SEZ6L2: variants seen among roughly 807,000 people sequenced by gnomAD.
SEZ6L2 encodes seizure 6-like protein 2.
SEZ6L2 carries 44 observed loss-of-function variants against 97.0 expected under a neutral mutation model. The ratio of observed to expected loss-of-function variants is 0.45; its 90% confidence interval spans 0.36 to 0.58. The LOEUF (loss-of-function observed/expected upper bound fraction) is 0.58, where lower values mean the gene tolerates loss of function less well. Ranked by LOEUF, SEZ6L2 falls within the 20% of genes least tolerant of loss-of-function variation. The pLI is 0.00. For missense variants in SEZ6L2, 1,086 were observed against 1,233.3 expected (o/e 0.88, Z 1.79); for synonymous variants, 543 against 546.1 (o/e 0.99, Z 0.08).
rs1311288373 is a variant in SEZ6L2, at chr16:29,872,189, C to T, written c.2740G>A (p.Gly914Arg). 1 of 1,600,646 alleles carries T rather than the reference C, an allele frequency of 6.2e-7. No individual in the cohort carries two copies. The highest frequency in any genetic ancestry group is 1.7e-5 in the Admixed American group (1 of 57,976). ...TCAGGGGCAGGCAAGGTGCTTACCC[C>T]AGCTTCATACAGCGGGTTGCTGAAG... is the stretch of plus-strand genomic sequence containing the variant. ...SDFSNPLYEAGDTREYEVSI is the reference protein window; with the variant it reads ...SDFSNPLYEARDTREYEVSI Residue 914 changes from glycine (G) to arginine (R), a missense_variant and splice_region_variant, in exon 17 of 18, where the codon GGG becomes AGG. By Grantham distance (125) the Gly-to-Arg change is moderately radical. Coordinates refer to ENST00000617533, the MANE Select transcript of SEZ6L2 (RefSeq NM_001243332.2).
intron 8 of SEZ6L2, among the ~76,000 whole-genome samples, chr16:29,884,143 C>A (rs1390383086): frequency 6.6e-6 from 1 of 152,118 alleles, no homozygotes; most frequent in Non-Finnish European, 1.5e-5. Context: ...CCACGTGAGG[C>A]AGATTAGCCA....
At position 29,882,402 on chromosome 16, in the gene SEZ6L2, C is replaced by T. The variant is rs1205601221; in HGVS notation, c.1373-2338G>A. Among the ~76,000 whole-genome samples, 5 of 152,094 alleles carry T rather than the reference C, an allele frequency of 3.3e-5. No individual in the cohort carries two copies. In the East Asian group the frequency reaches 9.7e-4, roughly 29 times the overall value. On this transcript the variant is annotated intron_variant, in intron 8 of 17. Coordinates refer to ENST00000617533, the MANE Select transcript of SEZ6L2 (RefSeq NM_001243332.2). ...GACCAGCCTGACCACCATGGTGAAA[C>T]TCCGTCTCTACTAAAAACACAAAAA... is the stretch of plus-strand genomic sequence containing the variant.
intron 5 of SEZ6L2, among the ~76,000 whole-genome samples, chr16:29,891,200 A>G (rs1317315163): frequency 6.6e-6 from 1 of 151,996 alleles, no homozygotes; most frequent in East Asian, 1.9e-4. Flanking sequence ...TCGGCCTCCC[A>G]AAGTGCTGTG....
At position 29,898,894 on chromosome 16, in the gene SEZ6L2, C is replaced by G. The variant is rs1037112257; in HGVS notation, c.79+47G>C. The G allele has an allele frequency of 2.0e-6, 3 of 1,487,530 alleles. No homozygotes were observed. In the Admixed American group the frequency reaches 5.3e-5, roughly 26 times the overall value. The allele number at this position is 1,487,530 out of a possible 1,614,324, so 92.1% of individuals were successfully genotyped here. ...TAAGAGAAAGGAGGGTGGAGGACCC[C>G]GCTGGACGCCTTCCTGGGGCCCACC... On this transcript the variant is annotated intron_variant, in intron 1 of 17. Transcript: ENST00000617533.
Position 29,888,640 on chromosome 16 carries a change from G to A in SEZ6L2, c.939C>T (p.Thr313=), listed in dbSNP as rs751064395. The A allele has an allele frequency of 6.2e-7, 1 of 1,614,072 alleles. No homozygotes were observed. The highest frequency in any genetic ancestry group is 8.5e-7 in the Non-Finnish European group (1 of 1,179,976). The change falls in exon 6 of 18, where the codon ACC becomes ACT. Residue 313 remains threonine (T), a synonymous_variant. Transcript: ENST00000617533. ...VTDLHPGGTA[T]FHCDSGYQLQ... ...GCTGGTAGCCCGAATCACAGTGAAA[G>A]GTGGCAGTGCCCCCAGGGTGCAGGT...
Position 29,877,448 on chromosome 16 carries a change from C to G in SEZ6L2, c.1732G>C (p.Asp578His). Residue 578 changes from aspartate (D) to histidine (H), a missense_variant, in exon 11 of 18, where the codon GAC becomes CAC. Transcript: ENST00000617533. Reference protein sequence around the residue: ...QVEILNVREGDMLTLFDGDGP... With the variant: ...QVEILNVREGHMLTLFDGDGP... Reference sequence around the variant, plus strand: ...TCCCCGTCGAACAGCGTCAGCATGTCCCCTTCCCGCACATTCAATCTGCAG... The same window carrying G: ...TCCCCGTCGAACAGCGTCAGCATGTGCCCTTCCCGCACATTCAATCTGCAG... The G allele has an allele frequency of 6.2e-7, 1 of 1,600,210 alleles. No homozygotes were observed. The highest frequency in any genetic ancestry group is 8.5e-7 in the Non-Finnish European group (1 of 1,173,016).
In SEZ6L2 at chr16:29,895,470, C is replaced by A; in HGVS notation, c.652-10G>T. 1 of 1,613,186 alleles carries A rather than the reference C, an allele frequency of 6.2e-7. No homozygotes were observed. The highest frequency in any genetic ancestry group is 8.5e-7 in the Non-Finnish European group (1 of 1,179,420). ...GGTTCAGCGTCTGCACCTAGAGAAG[C>A]CAGACACAGACCCGCCAGGGCAAGT... On this transcript the variant is annotated splice_polypyrimidine_tract_variant and intron_variant, in intron 4 of 17. Transcript: ENST00000617533.
intron 17 of SEZ6L2, 113 bp from the exon 18 acceptor site, chr16:29,871,841 G>A (rs927184027): frequency 1.1e-6 from 1 of 923,174 alleles, no homozygotes; most frequent in East Asian, 2.6e-5. Context: ...ACCTCTAGGG[G>A]CTGGGGGGCC....
In SEZ6L2 at chr16:29,895,712, TC is replaced by T; in HGVS notation, c.651+8del. On this transcript the variant is annotated splice_region_variant and intron_variant, in intron 4 of 17. Transcript: ENST00000617533. Reference sequence around the variant, plus strand: ...GAAGCTGCACAGTCACATGCTTTGGTCCAGTTACCTGGATCTCAATGCCGTA... The same window carrying T: ...GAAGCTGCACAGTCACATGCTTTGGTCAGTTACCTGGATCTCAATGCCGTA... 6.2e-7 allele frequency: 1 copy of T among 1,611,276 alleles called. No homozygotes were observed. The highest frequency in any genetic ancestry group is 8.5e-7 in the Non-Finnish European group (1 of 1,178,624).
chr16:29,892,110 G>A (rs926385927), intron 5 of SEZ6L2, among the ~76,000 whole-genome samples: 10 of 152,204 alleles, frequency 6.6e-5, no homozygotes, highest in African/African-American at 2.2e-4. Flanking sequence ...ACTAAGGTTG[G>A]TGAAAGGGCT....
intron 12 of SEZ6L2, among the ~76,000 whole-genome samples, chr16:29,874,547 C>CTTTTT (rs1567410632): frequency 8.2e-5 from 2 of 24,538 alleles, no homozygotes; most frequent in Non-Finnish European, 1.7e-4. Flanking sequence ...TGTGTGTGTG[C>CTTTTT]TTGTTTTTTT....
intron 5 of SEZ6L2, among the ~76,000 whole-genome samples, chr16:29,892,835 CAT>C (rs1413245351): frequency 7.2e-5 from 11 of 152,236 alleles, no homozygotes; most frequent in Admixed American, 3.3e-4. Context: ...CTCATGCACA[CAT>C]GTCTGCTAGA....
Position 29,873,368 on chromosome 16 carries a change from T to C in SEZ6L2, c.2360A>G (p.His787Arg). 2 of 1,614,234 alleles carry C rather than the reference T, an allele frequency of 1.2e-6. No individual in the cohort carries two copies. Among genetic ancestry groups the C allele is most frequent in the Non-Finnish European group, 1.7e-6 (2 of 1,180,044 alleles). The stretch of plus-strand genomic sequence containing the variant: ...CAGAGACTCGCCCGCCTGGTAGTGG[T>C]GCTTGTACAGCGTCTGGTAGCCATT... Reference protein sequence around the residue: ...PENGYQTLYKHHYQAGESLRF... With the variant: ...PENGYQTLYKRHYQAGESLRF... The change falls in exon 14 of 18, where the codon CAC becomes CGC. Residue 787 changes from histidine (H) to arginine (R), a missense_variant. Transcript: ENST00000617533. This position sits in a 1 kb window ranked among gnomAD's most constrained non-coding sequence, Gnocchi z 4.3.
chr16:29,872,329 T>C (rs759694434), intron 16 of SEZ6L2, 46 bp from the exon 17 acceptor site: 1 of 1,599,766 alleles, frequency 6.3e-7, no homozygotes, highest in Non-Finnish European at 8.6e-7. Flanking sequence ...GGTAAGCCCC[T>C]GAGCTCCCCT....
rs1349974711 is a variant in SEZ6L2, at chr16:29,871,975, G to A, written c.2742+212C>T. On this transcript the variant is annotated intron_variant, in intron 17 of 17. Coordinates refer to ENST00000617533, the MANE Select transcript of SEZ6L2 (RefSeq NM_001243332.2). ...TCAGTTTCGACTATGGGGTAGAGCC[G>A]TATTCTTGAGATGGGGCACAAGTCC... 4.6e-5 allele frequency among the ~76,000 whole-genome samples: 7 copies of A among 152,148 alleles called. 1 individual carries two copies. Among genetic ancestry groups the A allele is most frequent in the Non-Finnish European group, 7.4e-5 (5 of 68,014 alleles).
At position 29,878,443 on chromosome 16, in the gene SEZ6L2, T is replaced by G; in HGVS notation, c.1574-18A>C. 1 of 1,584,420 alleles carries G rather than the reference T, an allele frequency of 6.3e-7. No homozygotes were observed. Among genetic ancestry groups the G allele is most frequent in the Non-Finnish European group, 8.6e-7 (1 of 1,161,084 alleles). On this transcript the variant is annotated intron_variant, in intron 9 of 17. Transcript: ENST00000617533. ...ACACATGGCTAGGGAAAAAGGGGTG[T>G]CAGGTTCAGGACCCAGGTGGGCATG... is the stretch of plus-strand genomic sequence containing the variant.
At position 29,898,298 on chromosome 16, in the gene SEZ6L2, C is replaced by T. The variant is rs191809495; in HGVS notation, c.80-314G>A. Among the ~76,000 whole-genome samples, 17 of 152,344 alleles carry T rather than the reference C, an allele frequency of 1.1e-4. No individual in the cohort carries two copies. The East Asian group carries it at 3.3e-3, about 29-fold the overall frequency. Reference sequence around the variant, plus strand: ...GGGTCGCCGGTGCTGCCTTCCCTTTCACCTCAGTGGTGATCTCCCCCCAAC... The same window carrying T: ...GGGTCGCCGGTGCTGCCTTCCCTTTTACCTCAGTGGTGATCTCCCCCCAAC... On this transcript the variant is annotated intron_variant, in intron 1 of 17. Coordinates refer to ENST00000617533, the MANE Select transcript of SEZ6L2 (RefSeq NM_001243332.2).
rs2068125870 is a variant in SEZ6L2, at chr16:29,885,740, C to A, written c.1218G>T (p.Val406=). 8 of 1,608,852 alleles carry A rather than the reference C, an allele frequency of 5.0e-6. No homozygotes were observed. Among genetic ancestry groups the A allele is most frequent in the African/African-American group, 1.3e-5 (1 of 74,922 alleles). ...SLDEDNDRLM[V]RSGGSPLSPV... ...GGGATAGGGGGCTGCCCCCTGAGCGCACCATCAGCCTGGGATGGACAGAAA... is the reference window on the plus strand; with the variant it reads ...GGGATAGGGGGCTGCCCCCTGAGCGAACCATCAGCCTGGGATGGACAGAAA... Residue 406 remains valine (V), a synonymous_variant, in exon 8 of 18, where the codon GTG becomes GTT. Transcript: ENST00000617533.
At position 29,889,614 on chromosome 16, in the gene SEZ6L2, CTTTTTTTTTTTTT is replaced by C. The variant is rs869108927; in HGVS notation, c.854-902_854-890del. On this transcript the variant is annotated intron_variant, in intron 5 of 17. Coordinates refer to ENST00000617533, the MANE Select transcript of SEZ6L2 (RefSeq NM_001243332.2). ...CATCCAGAAGAACCACTTGAAACTT[CTTTTTTTTTTTTT>C]TTTTTTTTTTTTTTTTTTGAGATAG... is the stretch of plus-strand genomic sequence containing the variant. Among the ~76,000 whole-genome samples, 392 of 70,566 alleles carry C rather than the reference CTTTTTTTTTTTTT, an allele frequency of 5.6e-3. 4 individuals are homozygous for C. Among genetic ancestry groups the C allele is most frequent in the African/African-American group, 0.015 (352 of 23,348 alleles). 46.3% of individuals were successfully genotyped at this position (70,566 alleles called of 152,430 possible). A position where few individuals can be genotyped will look rare whatever the true frequency, so the allele number is the denominator to read the frequency against.
Sources: allele counts gnomAD v4.1 joint callset (sites outside exome capture counted in the v4.1 genomes callset), GRCh38; gene constraint gnomAD v4.1.1; non-coding constraint Gnocchi (gnomAD v3.1); transcripts MANE v1.5; gene names NCBI Gene and HGNC (gene_info 2026-07-23, HGNC 2026-07-21).